Variants in PACS1 observed in about 807,000 individuals in gnomAD.
PACS1 encodes phosphofurin acidic cluster sorting protein 1.
Under a neutral mutation model 115.0 loss-of-function variants are expected in PACS1, and 24 were observed. The ratio of observed to expected loss-of-function variants is 0.21; its 90% CI spans 0.15 to 0.29. The LOEUF (loss-of-function observed/expected upper bound fraction) is 0.29. Among genes scored for constraint, PACS1 ranks in the 10% least tolerant of loss-of-function variants. The probability of loss-of-function intolerance (pLI) is 1.00; values close to 1 mark genes in which losing one functional copy is unlikely to be tolerated. For missense variants in PACS1, 838 were observed against 1,251.2 expected, an observed-to-expected ratio of 0.67 and a Z score of 4.98; for synonymous variants, 453 against 504.5, an observed-to-expected ratio of 0.90 and a Z score of 1.37.
chr11:66,160,381 G>T (rs1402252506), intron 1 of PACS1, among the ~76,000 whole-genome samples: 1 of 152,082 alleles, frequency 6.6e-6, no homozygotes, highest in Non-Finnish European at 1.5e-5. Flanking sequence ...CTGGCTTATA[G>T]TGTTATATGT....
At chr11:66,129,386 C>A (rs1323866031) in intron 1 of PACS1, among the ~76,000 whole-genome samples, 1 of 150,128 alleles carries the variant, frequency 6.7e-6, no homozygotes, top group African/African-American at 2.5e-5. Context: ...GAGCTGAGAT[C>A]GCACCACTGC....
At chr11:66,122,276 C>T (rs1386679375) in intron 1 of PACS1, among the ~76,000 whole-genome samples, 1 of 152,192 alleles carries the variant, frequency 6.6e-6, no homozygotes, top group Non-Finnish European at 1.5e-5. Flanking sequence ...GAGACCTGCT[C>T]AGAAGAAAAG....
intron 2 of PACS1, among the ~76,000 whole-genome samples, chr11:66,205,725 C>T (rs1241765531): frequency 6.7e-6 from 1 of 150,182 alleles, no homozygotes; most frequent in African/African-American, 2.5e-5. Context: ...TACTCCTGGG[C>T]TCAAGCTATC....
At chr11:66,230,148 A>G (rs949998698) in intron 11 of PACS1, among the ~76,000 whole-genome samples, 6 of 151,264 alleles carry the variant, frequency 4.0e-5, no homozygotes, top group South Asian at 2.1e-4. Flanking sequence ...AAAAAAAAAA[A>G]AAAAAGAAAA....
intron 7 of PACS1, chr11:66,217,463 A>G (rs1402184531): frequency 2.3e-6 from 1 of 435,096 alleles, no homozygotes; most frequent in Admixed American, 2.5e-5. Context: ...CCGAAGGGGA[A>G]TTCACAGCTC....
At chr11:66,163,524 T>G (rs768405849) in intron 1 of PACS1, among the ~76,000 whole-genome samples, 2 of 152,134 alleles carry the variant, frequency 1.3e-5, no homozygotes, top group Non-Finnish European at 2.9e-5. Context: ...GGTCTAAAAT[T>G]TATACTTCCT....
chr11:66,118,791 A>AAG (rs1858373661), intron 1 of PACS1, among the ~76,000 whole-genome samples: 1 of 144,558 alleles, frequency 6.9e-6, no homozygotes, highest in Non-Finnish European at 1.5e-5. Flanking sequence ...AAAAAAAAAA[A>AAG]AGAAAGAAAA....
At chr11:66,120,450 G>A (rs2134560644) in intron 1 of PACS1, among the ~76,000 whole-genome samples, 1 of 152,232 alleles carries the variant, frequency 6.6e-6, no homozygotes, top group Middle Eastern at 3.4e-3. Flanking sequence ...GAAATAGCTG[G>A]ATTTAGGATT....
At chr11:66,182,887 T>C (rs1795040290) in intron 1 of PACS1, among the ~76,000 whole-genome samples, 1 of 152,178 alleles carries the variant, frequency 6.6e-6, no homozygotes, top group Admixed American at 6.5e-5. Context: ...ATCCCAACAC[T>C]TCAGGAGGTT....
In PACS1 at chr11:66,078,936, C is replaced by A. The variant is rs188711289; in HGVS notation, c.356+8094C>A. Among the ~76,000 whole-genome samples the A allele has an allele frequency of 9.2e-5, 14 of 152,310 alleles. 1 individual carries two copies. The highest frequency in any genetic ancestry group is 3.4e-4 in the African/African-American group (14 of 41,564). On this transcript the variant is annotated intron_variant, in intron 1 of 23. Coordinates refer to ENST00000320580, the MANE Select transcript of PACS1 (RefSeq NM_018026.4). Reference sequence around the variant, plus strand: ...TTTCTTTTTCTTTTTGAGACAGAGTCTTGCTCTCTTGCCCAGGCTGGAGTG... The same window carrying A: ...TTTCTTTTTCTTTTTGAGACAGAGTATTGCTCTCTTGCCCAGGCTGGAGTG...
At chr11:66,217,276 T>C (rs1855236014) in intron 7 of PACS1, 2 of 307,990 alleles carry the variant, frequency 6.5e-6, no homozygotes, top group African/African-American at 2.2e-5. Flanking sequence ...ATCCATAACC[T>C]TGGAGACCAG....
intron 1 of PACS1, among the ~76,000 whole-genome samples, chr11:66,076,011 A>G (rs986927115): frequency 4.6e-5 from 7 of 152,204 alleles, no homozygotes; most frequent in Admixed American, 3.9e-4. Flanking sequence ...TGCTGGGATT[A>G]CAGACGTGAG....
chr11:66,144,940 A>G (rs1263435491), intron 1 of PACS1, among the ~76,000 whole-genome samples: 1 of 152,170 alleles, frequency 6.6e-6, no homozygotes, highest in South Asian at 2.1e-4. Flanking sequence ...AGGCCTGTTC[A>G]TTATTCTTGA....
chr11:66,094,610 C>T (rs919227243), intron 1 of PACS1, among the ~76,000 whole-genome samples: 18 of 152,146 alleles, frequency 1.2e-4, no homozygotes, highest in African/African-American at 4.3e-4. Context: ...TGAATTCTAC[C>T]AGAGGTACAA....
At chr11:66,237,017 C>CA (rs1855718551) in intron 19 of PACS1, among the ~76,000 whole-genome samples, 1 of 152,236 alleles carries the variant, frequency 6.6e-6, no homozygotes, top group Admixed American at 6.5e-5. Flanking sequence ...CTCCCAGGTT[C>CA]AAGTGATTCT....
At chr11:66,226,048 T>C (rs1270647631) in intron 10 of PACS1, among the ~76,000 whole-genome samples, 1 of 152,156 alleles carries the variant, frequency 6.6e-6, no homozygotes, top group African/African-American at 2.4e-5. Context: ...GGCAGACGCT[T>C]GTAATCCTAG....
intron 21 of PACS1, among the ~76,000 whole-genome samples, chr11:66,240,637 T>C (rs1855792931): frequency 6.6e-6 from 1 of 152,044 alleles, no homozygotes; most frequent in Non-Finnish European, 1.5e-5. Flanking sequence ...CGCAGCCAAG[T>C]TCTGCCCTGG....
chr11:66,232,097 G>A (rs1237582076), intron 13 of PACS1, 75 bp from the exon 14 acceptor site: 1 of 873,110 alleles, frequency 1.1e-6, no homozygotes, highest in African/African-American at 1.6e-5. Flanking sequence ...GACTCCCCAT[G>A]CACCAGTCCA....
chr11:66,155,574 T>G (rs1280244367), intron 1 of PACS1, among the ~76,000 whole-genome samples: 1 of 152,120 alleles, frequency 6.6e-6, no homozygotes, highest in Non-Finnish European at 1.5e-5. Context: ...ATGGCTAAAA[T>G]TTAAGAGACT....
Sources: allele counts gnomAD v4.1 joint callset (sites outside exome capture counted in the v4.1 genomes callset), GRCh38; gene constraint gnomAD v4.1.1; transcripts MANE v1.5; gene names NCBI Gene and HGNC (gene_info 2026-07-23, HGNC 2026-07-21).